Variants in HSPA12A observed in about 807,000 individuals in gnomAD.
HSPA12A encodes heat shock 70 kDa protein 12A.
A neutral mutation model predicts 69.2 loss-of-function variants in HSPA12A; 28 were observed. That is an observed-to-expected ratio of 0.40 (90% CI 0.30 to 0.55). The LOEUF is 0.55. Among genes scored for constraint, HSPA12A ranks in the 20% least tolerant of loss-of-function variants. The pLI, the probability that HSPA12A is intolerant of heterozygous loss-of-function variation, is 0.38. For missense variants in HSPA12A, 686 were observed against 900.7 expected (o/e 0.76, Z 3.05); for synonymous variants, 345 against 370.5 (o/e 0.93, Z 0.79).
intron 2 of HSPA12A, among the ~76,000 whole-genome samples, chr10:116,826,456 TAAGA>T (rs1304774471): frequency 1.3e-5 from 2 of 152,152 alleles, no homozygotes; most frequent in African/African-American, 4.8e-5. Flanking sequence ...GCAGATCCTC[TAAGA>T]AAGAAGTTTC....
chr10:116,733,889 A>G (rs1027555007), intron 1 of HSPA12A, among the ~76,000 whole-genome samples: 3 of 152,190 alleles, frequency 2.0e-5, no homozygotes, highest in Non-Finnish European at 4.4e-5. Context: ...ATAGGGACGT[A>G]ACCCTATTGT....
chr10:116,736,294 G>A (rs566505331), intron 1 of HSPA12A, among the ~76,000 whole-genome samples: 18 of 152,208 alleles, frequency 1.2e-4, no homozygotes, highest in South Asian at 6.2e-4. Context: ...AGGGCAACCC[G>A]CAGCAGGTGC....
At position 116,823,767 on chromosome 10, in the gene HSPA12A, A is replaced by C. The variant is rs997177206; in HGVS notation, c.91+11168T>G. Among the ~76,000 whole-genome samples the C allele has an allele frequency of 5.3e-5, 8 of 152,220 alleles. 1 individual carries two copies. The highest frequency in any genetic ancestry group is 2.6e-4 in the Admixed American group (4 of 15,278). ...AATTCTAAATGCACAAAAAGCCGAA[A>C]CGTTAAGAGGTAAAACCATAAAACT... On this transcript the variant is annotated intron_variant, in intron 2 of 12. Coordinates refer to the HSPA12A transcript ENST00000635765.
At chr10:116,805,677 C>G (rs1479034809) in intron 2 of HSPA12A, among the ~76,000 whole-genome samples, 1 of 152,146 alleles carries the variant, frequency 6.6e-6, no homozygotes, top group African/African-American at 2.4e-5. Flanking sequence ...ACTGAAAAAG[C>G]ATTCCTGCTG....
At chr10:116,805,271 G>A (rs1388703150) in intron 2 of HSPA12A, among the ~76,000 whole-genome samples, 2 of 152,110 alleles carry the variant, frequency 1.3e-5, no homozygotes, top group East Asian at 1.9e-4. Context: ...AGCCGAGATC[G>A]CGCCACTGCA....
chr10:116,823,883 A>G (rs1845452173), intron 2 of HSPA12A, among the ~76,000 whole-genome samples: 1 of 152,202 alleles, frequency 6.6e-6, no homozygotes, highest in Admixed American at 6.5e-5. Context: ...AACCACATGC[A>G]ACAAGAAAAA....
Position 116,742,440 on chromosome 10 carries a change from G to A in HSPA12A, c.30C>T (p.Asp10=). 1 of 1,412,668 alleles carries A rather than the reference G, an allele frequency of 7.1e-7. No homozygotes were observed. The highest frequency in any genetic ancestry group is 9.2e-7 in the Non-Finnish European group (1 of 1,082,414). The allele number at this position is 1,412,668 out of a possible 1,614,324, so 87.5% of individuals were successfully genotyped here. The change falls in exon 1 of 12, where the codon GAC becomes GAT. Residue 10 remains aspartate (D), a synonymous_variant. Transcript: ENST00000369209. The part of the protein sequence containing the change: MADKEAGGS[D]GPRETAPTSA... ...GCAGCCTGCGCTCACCTCGGGGCCC[G>A]TCGCTGCCGCCGGCCTCCTTGTCCG...
chr10:116,845,869 T>C (rs1239876103), intron 1 of HSPA12A, among the ~76,000 whole-genome samples: 1 of 152,186 alleles, frequency 6.6e-6, no homozygotes, highest in Admixed American at 6.5e-5. Flanking sequence ...GGAAGTGGAA[T>C]ATTCATGAAT....
At chr10:116,694,551 C>G (rs1849829514) in intron 5 of HSPA12A, among the ~76,000 whole-genome samples, 1 of 152,216 alleles carries the variant, frequency 6.6e-6, no homozygotes, top group South Asian at 2.1e-4. Flanking sequence ...CTCCTCCCTC[C>G]CCTTCTGAGA....
At chr10:116,699,211 C>A (rs1441400324) in intron 4 of HSPA12A, among the ~76,000 whole-genome samples, 1 of 152,188 alleles carries the variant, frequency 6.6e-6, no homozygotes, top group East Asian at 1.9e-4. Flanking sequence ...CATTACGCTG[C>A]CAACCAAGTC....
At chr10:116,684,109 T>A (rs1343148772) in intron 6 of HSPA12A, 147 bp from the exon 7 acceptor site, 1 of 644,382 alleles carries the variant, frequency 1.6e-6, no homozygotes, top group African/African-American at 1.8e-5. Context: ...CTGCAGAGCA[T>A]AATGTCAGGG....
chr10:116,723,641 A>T lies in HSPA12A; in HGVS notation c.41-16356T>A, dbSNP rs1554884671. On this transcript the variant is annotated intron_variant, in intron 1 of 11. Coordinates refer to ENST00000369209, the MANE Select transcript of HSPA12A (RefSeq NM_025015.3). The surrounding 1 kb of genome is among the most constrained non-coding windows in gnomAD (Gnocchi z 4.1). ...GGGTGAGGTTAGGTGCTCAGGAAGCATGGGGCCTCCCCTGACATTCATTCC... is the reference window on the plus strand; with the variant it reads ...GGGTGAGGTTAGGTGCTCAGGAAGCTTGGGGCCTCCCCTGACATTCATTCC... Among the ~76,000 whole-genome samples the T allele has an allele frequency of 6.6e-6, 1 of 152,184 alleles. No homozygotes were observed. The highest frequency in any genetic ancestry group is 1.9e-4 in the East Asian group (1 of 5,194).
At chr10:116,812,470 A>G (rs981395646) in intron 2 of HSPA12A, among the ~76,000 whole-genome samples, 1 of 151,484 alleles carries the variant, frequency 6.6e-6, no homozygotes, top group African/African-American at 2.4e-5. Context: ...AAATAAAATA[A>G]AATAAATAAA....
At chr10:116,787,905 C>CA (rs2133147586) in intron 2 of HSPA12A, among the ~76,000 whole-genome samples, 1 of 152,192 alleles carries the variant, frequency 6.6e-6, no homozygotes, top group East Asian at 1.9e-4. Flanking sequence ...GGAATCAGGT[C>CA]AGACTCTGAA....
At chr10:116,810,112 G>C (rs1036931199) in intron 2 of HSPA12A, among the ~76,000 whole-genome samples, 1 of 152,194 alleles carries the variant, frequency 6.6e-6, no homozygotes, top group South Asian at 2.1e-4. Flanking sequence ...CAAGCCATGG[G>C]GGGTGCTGGG....
rs556510924 is a variant in HSPA12A at position 116,836,183 on chromosome 10, T to C, written c.4-1161A>G. ...CTGGGCCCAGGCTGGTTGTTTAGTG[T>C]TGCCTCTCCTCTCCAGCTGCGGAGC... On this transcript the variant is annotated intron_variant, in intron 1 of 12. Coordinates refer to the HSPA12A transcript ENST00000635765. Among the ~76,000 whole-genome samples the C allele has an allele frequency of 2.6e-5, 4 of 152,286 alleles. No homozygotes were observed. In the South Asian group the frequency reaches 6.2e-4, roughly 24 times the overall value.
At chr10:116,753,954 C>T (rs1554888557) in intron 2 of HSPA12A, among the ~76,000 whole-genome samples, 1 of 152,224 alleles carries the variant, frequency 6.6e-6, no homozygotes, top group Non-Finnish European at 1.5e-5. Context: ...CTAAGCCAAG[C>T]ACTCAGCTAC....
chr10:116,784,549 G>GGAAT (rs367679769), intron 2 of HSPA12A, among the ~76,000 whole-genome samples: 1,530 of 152,276 alleles, frequency 0.01, 22 homozygotes, highest in African/African-American at 0.034. Flanking sequence ...GTTTGTTGAG[G>GGAAT]GAATGAATGA....
intron 2 of HSPA12A, among the ~76,000 whole-genome samples, chr10:116,766,099 C>T (rs1844072190): frequency 6.6e-6 from 1 of 152,214 alleles, no homozygotes; most frequent in Non-Finnish European, 1.5e-5. Flanking sequence ...TCTCCACCTC[C>T]TCTGCCCCCT....
Sources: allele counts gnomAD v4.1 joint callset (sites outside exome capture counted in the v4.1 genomes callset), GRCh38; gene constraint gnomAD v4.1.1; non-coding constraint Gnocchi (gnomAD v3.1); transcripts MANE v1.5; gene names NCBI Gene and HGNC (gene_info 2026-07-23, HGNC 2026-07-21).